The following DOCK3 variants were observed in gnomAD, a reference collection of about 807,000 sequenced individuals.
The protein encoded by DOCK3 is dedicator of cytokinesis protein 3.
A neutral mutation model predicts 265.6 loss-of-function variants in DOCK3; 60 were observed. The ratio of observed to expected loss-of-function variants is 0.23; its 90% CI spans 0.18 to 0.28. The LOEUF is 0.28. DOCK3 is among the 10% of genes least tolerant of loss of function. The probability of loss-of-function intolerance (pLI) is 1.00; values close to 1 mark genes in which losing one functional copy is unlikely to be tolerated. For missense variants in DOCK3, 1,981 were observed against 2,594.3 expected (o/e 0.76, Z 5.14); for synonymous variants, 881 against 938.0 (o/e 0.94, Z 1.11).
At chr3:50,991,232 A>G (rs577435748) in intron 5 of DOCK3, among the ~76,000 whole-genome samples, 1 of 152,214 alleles carries the variant, frequency 6.6e-6, no homozygotes, top group Non-Finnish European at 1.5e-5. Flanking sequence ...TGACAGGATC[A>G]AATCCACACA....
At chr3:51,202,495 A>G (rs1283532502) in intron 12 of DOCK3, among the ~76,000 whole-genome samples, 2 of 152,168 alleles carry the variant, frequency 1.3e-5, no homozygotes, top group African/African-American at 2.4e-5. Flanking sequence ...GAATAGACCA[A>G]TAACAGGAGC....
intron 21 of DOCK3, among the ~76,000 whole-genome samples, chr3:51,244,320 CCTT>C (rs2078732442): frequency 6.6e-6 from 1 of 151,870 alleles, no homozygotes; most frequent in Admixed American, 6.6e-5. Context: ...CAATATTAAA[CCTT>C]CTAATTAATG....
intron 9 of DOCK3, among the ~76,000 whole-genome samples, chr3:51,126,327 C>G (rs560115297): frequency 5.3e-5 from 8 of 152,322 alleles, no homozygotes; most frequent in African/African-American, 1.7e-4. Context: ...TAAGGAGAAA[C>G]AGCTGCTGTT....
intron 5 of DOCK3, among the ~76,000 whole-genome samples, chr3:51,061,314 A>G (rs550841633): frequency 1.3e-4 from 20 of 152,278 alleles, no homozygotes; most frequent in Middle Eastern, 3.4e-3. Context: ...AACCAACCCA[A>G]ATGTCCAACA....
At chr3:50,680,509 C>T (rs1193353801) in intron 1 of DOCK3, among the ~76,000 whole-genome samples, 1 of 125,912 alleles carries the variant, frequency 7.9e-6, no homozygotes, top group East Asian at 2.4e-4. Context: ...CCACCGTGCC[C>T]TGCTTTTTTT....
At chr3:51,124,810 T>C (rs1442037826) in intron 9 of DOCK3, among the ~76,000 whole-genome samples, 13 of 152,136 alleles carry the variant, frequency 8.5e-5, no homozygotes, top group Non-Finnish European at 1.5e-5. Flanking sequence ...GCTTATTAGC[T>C]ACAATACTAT....
intron 1 of DOCK3, among the ~76,000 whole-genome samples, chr3:50,680,269 T>TG (rs552339224): frequency 6.3e-4 from 94 of 150,376 alleles, no homozygotes; most frequent in African/African-American, 2.1e-3. Context: ...TGGAGTGCAA[T>TG]GGGGTGATCT....
At chr3:50,696,956 T>A (rs963491117) in intron 1 of DOCK3, among the ~76,000 whole-genome samples, 2 of 150,622 alleles carry the variant, frequency 1.3e-5, no homozygotes, top group South Asian at 4.2e-4. Flanking sequence ...AGAGAGAGTC[T>A]CACTAACTCT....
intron 4 of DOCK3, among the ~76,000 whole-genome samples, chr3:50,896,910 G>A (rs898141920): frequency 6.6e-6 from 1 of 152,200 alleles, no homozygotes; most frequent in Admixed American, 6.5e-5. Flanking sequence ...ATAGTTTGAA[G>A]TCAGGTAGTG....
chr3:51,321,982 C>T (rs1036522649), intron 32 of DOCK3, among the ~76,000 whole-genome samples: 10 of 152,100 alleles, frequency 6.6e-5, no homozygotes, highest in African/African-American at 2.4e-4. Flanking sequence ...CAGAGAATGC[C>T]ACAAATATAC....
intron 10 of DOCK3, among the ~76,000 whole-genome samples, chr3:51,149,800 T>C (rs984844504): frequency 7.2e-5 from 11 of 152,142 alleles, no homozygotes; most frequent in Non-Finnish European, 1.5e-4. Context: ...TCTAAAAATC[T>C]TTTTTGTTGT....
chr3:50,977,476 C>G (rs989275459), intron 5 of DOCK3, among the ~76,000 whole-genome samples: 23 of 152,176 alleles, frequency 1.5e-4, no homozygotes, highest in African/African-American at 5.1e-4. Context: ...TTGGCCCCCA[C>G]TGTCTTCTGG....
chr3:51,380,862 G>A (rs955218606), intron 52 of DOCK3, among the ~76,000 whole-genome samples, 188 bp from the exon 53 acceptor site: 2 of 152,182 alleles, frequency 1.3e-5, no homozygotes, highest in Admixed American at 1.3e-4. Flanking sequence ...CAGAAATGCA[G>A]ATGATTCTGG....
intron 5 of DOCK3, among the ~76,000 whole-genome samples, chr3:51,063,123 C>T (rs996847348): frequency 1.3e-5 from 2 of 152,106 alleles, no homozygotes; most frequent in African/African-American, 4.8e-5. Flanking sequence ...TGGCTCATGT[C>T]TCTAATCCCA....
chr3:51,277,973 G>T (rs2080905216), intron 26 of DOCK3: 17 of 985,234 alleles, frequency 1.7e-5, no homozygotes, highest in Non-Finnish European at 1.9e-5. Context: ...GGCAGATCTG[G>T]GGAATGTTTC....
intron 5 of DOCK3, among the ~76,000 whole-genome samples, chr3:50,973,235 C>G (rs755182563): frequency 7.1e-4 from 106 of 150,092 alleles, no homozygotes; most frequent in Non-Finnish European, 1.2e-3. Flanking sequence ...TGCGCTGCAC[C>G]CACTAACTCG....
At chr3:51,270,690 C>A in intron 23 of DOCK3, 125 bp from the exon 24 acceptor site, 2 of 969,474 alleles carry the variant, frequency 2.1e-6, no homozygotes, top group Non-Finnish European at 3.0e-6. Flanking sequence ...CAGGGAGGAG[C>A]CCACCGAAGG....
At chr3:51,358,904 A>G (rs2086548226) in intron 46 of DOCK3, among the ~76,000 whole-genome samples, 2 of 152,176 alleles carry the variant, frequency 1.3e-5, no homozygotes, top group African/African-American at 4.8e-5. Flanking sequence ...CTCATTTTCA[A>G]CTGTGGGGCT....
chr3:51,179,923 G>A (rs556904270), intron 12 of DOCK3, among the ~76,000 whole-genome samples: 87 of 151,852 alleles, frequency 5.7e-4, no homozygotes, highest in African/African-American at 2.0e-3. Flanking sequence ...AAAAAACAAG[G>A]GCCGGCGGAC....
Sources: gnomAD v4.1 joint callset for allele counts (sites outside exome capture counted in the v4.1 genomes callset) on GRCh38, gnomAD v4.1.1 for gene constraint, MANE v1.5 for transcripts, NCBI Gene and HGNC (gene_info 2026-07-23, HGNC 2026-07-21) for gene names.